Variants in BTG4 observed in about 807,000 individuals in gnomAD.
The protein encoded by BTG4 is protein BTG4.
BTG4 carries 10 observed loss-of-function variants against 19.3 expected under a neutral mutation model. That is an observed-to-expected ratio of 0.52 (90% CI 0.32 to 0.88). The LOEUF (loss-of-function observed/expected upper bound fraction) is 0.88. Among genes scored for constraint, BTG4 ranks in the 40% least tolerant of loss-of-function variants. The probability of loss-of-function intolerance (pLI) is 0.04; values close to 1 mark genes in which losing one functional copy is unlikely to be tolerated. For synonymous variants in BTG4, 91 were observed against 95.7 expected (o/e 0.95, Z 0.29); for missense variants, 238 against 281.9 (o/e 0.84, Z 1.11).
chr11:111,425,826 G>A, the BTG4 span, among the ~76,000 whole-genome samples: 1 of 152,168 alleles, frequency 6.6e-6, no homozygotes, highest in African/African-American at 2.4e-5. Context: ...GAGCTCAACA[G>A]TTTGAGACTA....
the BTG4 span, chr11:111,414,830 A>G: frequency 6.6e-6 from 1 of 152,256 alleles, no homozygotes; most frequent in Non-Finnish European, 1.5e-5. Context: ...TGGGCAGCCA[A>G]CTTGTACCTC....
At chr11:111,418,173 C>T in the BTG4 span, 17 of 152,194 alleles carry the variant, frequency 1.1e-4, no homozygotes, top group African/African-American at 3.9e-4. Flanking sequence ...ACCTTCACGC[C>T]GTCTGCCAGC....
At chr11:111,451,528 G>A in the BTG4 span, 1 of 367,042 alleles carries the variant, frequency 2.7e-6, no homozygotes, top group Non-Finnish European at 6.0e-6. Context: ...CACTTTGGGA[G>A]GCCAAGGAGG....
Position 111,497,391 on chromosome 11 carries a change from A to G in BTG4, c.330T>C (p.His110=), listed in dbSNP as rs769362275. 7.2e-7 allele frequency: 1 copy of G among 1,382,848 alleles called. No homozygotes were observed. The highest frequency in any genetic ancestry group is 9.4e-7 in the Non-Finnish European group (1 of 1,062,672). 85.7% of individuals were successfully genotyped at this position (1,382,848 alleles called of 1,614,324 possible). The change falls in exon 4 of 5, where the codon CAT becomes CAC. Residue 110 remains histidine (H), a synonymous_variant. Coordinates refer to ENST00000692032, the MANE Select transcript of BTG4 (RefSeq NM_001367975.1). ...EVCCRYGEKN[H]PFTVASFKGR... ...CTTTAAAAGAAGCAACTGTAAATGG[A>G]TGGTTTTTCTCACCATACCTAAGTA...
the BTG4 span, among the ~76,000 whole-genome samples, chr11:111,444,134 C>A: frequency 6.6e-6 from 1 of 152,032 alleles, no homozygotes; most frequent in African/African-American, 2.4e-5. Context: ...CCAGCAATGA[C>A]AATGTTCCAT....
the BTG4 span, among the ~76,000 whole-genome samples, chr11:111,432,120 T>A: frequency 3.0e-4 from 45 of 152,268 alleles, no homozygotes; most frequent in African/African-American, 1.0e-3. Context: ...ATTTACTGAG[T>A]CTTAATGTGT....
chr11:111,472,214 C>T (rs905347813), intron 5 of BTG4, among the ~76,000 whole-genome samples: 1 of 152,146 alleles, frequency 6.6e-6, no homozygotes, highest in African/African-American at 2.4e-5. Context: ...GTCATGAGGC[C>T]TTATATCTCA....
the BTG4 span, among the ~76,000 whole-genome samples, chr11:111,413,719 A>G: frequency 6.6e-6 from 1 of 152,362 alleles, no homozygotes; most frequent in African/African-American, 2.4e-5. Context: ...TCTGAAGGGT[A>G]GAAGCAGGGG....
chr11:111,438,992 T>G, the BTG4 span, among the ~76,000 whole-genome samples: 1 of 152,240 alleles, frequency 6.6e-6, no homozygotes. Flanking sequence ...GAAAGCAGGC[T>G]GCCCCGGCCT....
At chr11:111,493,687 T>C (rs1427967949), downstream of BTG4, among the ~76,000 whole-genome samples, 1 of 152,106 alleles carries the variant, frequency 6.6e-6, no homozygotes, top group East Asian at 1.9e-4. Flanking sequence ...TCCCACACTA[T>C]AGTAGAAAGC....
intron 5 of BTG4, among the ~76,000 whole-genome samples, chr11:111,486,978 C>A (rs1489230059): frequency 6.6e-6 from 1 of 151,992 alleles, no homozygotes; most frequent in Non-Finnish European, 1.5e-5. Context: ...CCTCCCCCCG[C>A]CTCCTCCCTG....
chr11:111,463,152 C>A, downstream of BTG4: 1 of 152,750 alleles, frequency 6.5e-6, no homozygotes. Flanking sequence ...GGAGCTGCCT[C>A]CAGCTGTTGC....
chr11:111,456,350 T>C, the BTG4 span, among the ~76,000 whole-genome samples: 1 of 152,072 alleles, frequency 6.6e-6, no homozygotes, highest in South Asian at 2.1e-4. The surrounding 1 kb of genome is among the most constrained non-coding windows in gnomAD (Gnocchi z 4.2). Flanking sequence ...GCTCTGGAGT[T>C]AGCAAAGATG....
chr11:111,395,895 C>T, the BTG4 span, among the ~76,000 whole-genome samples: 5 of 152,254 alleles, frequency 3.3e-5, no homozygotes, highest in South Asian at 4.1e-4. Context: ...TCCTGCATCA[C>T]CTTGATCACT....
downstream of BTG4, among the ~76,000 whole-genome samples, chr11:111,489,859 G>A (rs970050490): frequency 6.6e-6 from 1 of 152,184 alleles, no homozygotes; most frequent in Non-Finnish European, 1.5e-5. Context: ...GGGTAGCAGG[G>A]AGGGGTTGGG....
the BTG4 span, among the ~76,000 whole-genome samples, chr11:111,392,039 T>A: frequency 6.6e-6 from 1 of 151,944 alleles, no homozygotes; most frequent in Non-Finnish European, 1.5e-5. Context: ...AAATCTAGAG[T>A]GAGCCCTTCA....
the BTG4 span, among the ~76,000 whole-genome samples, chr11:111,454,790 G>A: frequency 7.6e-5 from 10 of 130,990 alleles, no homozygotes; most frequent in South Asian, 1.7e-3. Flanking sequence ...ACGAGCCAGT[G>A]TCTGTCCTCA....
chr11:111,496,902 T>A, intron 4 of BTG4: 5 of 273,146 alleles, frequency 1.8e-5, no homozygotes, highest in Non-Finnish European at 3.3e-5. Flanking sequence ...GAAAAAAAAA[T>A]CCCACTAATC....
chr11:111,446,868 ACCACCAG>A, the BTG4 span, among the ~76,000 whole-genome samples: 1 of 152,224 alleles, frequency 6.6e-6, no homozygotes, highest in Non-Finnish European at 1.5e-5. Context: ...CATTATGGTA[ACCACCAG>A]CCACCTATGG....
Sources: gnomAD v4.1 joint callset for allele counts (sites outside exome capture counted in the v4.1 genomes callset) on GRCh38, gnomAD v4.1.1 for gene constraint, Gnocchi (gnomAD v3.1) non-coding constraint, MANE v1.5 for transcripts, NCBI Gene and HGNC (gene_info 2026-07-23, HGNC 2026-07-21) for gene names.